Variants in ENOX1 observed in about 807,000 individuals in gnomAD.
ENOX1 encodes ecto-NOX disulfide-thiol exchanger 1.
In ENOX1, 42 loss-of-function variants were observed where a neutral mutation model predicts 82.5. The observed-to-expected ratio is 0.51, with a 90% confidence interval of 0.40 to 0.66. ENOX1 has a LOEUF of 0.66. ENOX1 is among the 30% of genes least tolerant of loss of function. The pLI, the probability that ENOX1 is intolerant of heterozygous loss-of-function variation, is 0.00. For missense variants in ENOX1, 608 were observed against 811.6 expected, an observed-to-expected ratio of 0.75 and a Z score of 3.05; for synonymous variants, 271 against 282.2, an observed-to-expected ratio of 0.96 and a Z score of 0.40.
intron 2 of ENOX1, among the ~76,000 whole-genome samples, chr13:43,615,326 C>T (rs1008642108): frequency 1.3e-5 from 2 of 152,046 alleles, no homozygotes; most frequent in Non-Finnish European, 2.9e-5. Flanking sequence ...TGAGCAATAA[C>T]GCCCCCCAAA....
intron 7 of ENOX1, among the ~76,000 whole-genome samples, chr13:43,356,784 CAGG>C (rs2050185717): frequency 6.6e-6 from 1 of 152,176 alleles, no homozygotes; most frequent in South Asian, 2.1e-4. Flanking sequence ...CTGGGGTGCG[CAGG>C]AGAATATTTT....
intron 3 of ENOX1, among the ~76,000 whole-genome samples, chr13:43,433,526 T>C (rs1437272471): frequency 2.6e-5 from 4 of 152,206 alleles, no homozygotes; most frequent in African/African-American, 9.7e-5. Flanking sequence ...GTGAATCTAA[T>C]AGTGCTCTAA....
intron 1 of ENOX1, among the ~76,000 whole-genome samples, chr13:43,746,947 C>T (rs1950052654): frequency 6.6e-6 from 1 of 152,172 alleles, no homozygotes. Context: ...TTGAAAATCA[C>T]CATTGTTCAT....
intron 3 of ENOX1, among the ~76,000 whole-genome samples, chr13:43,429,919 C>T (rs528892972): frequency 3.3e-5 from 5 of 152,186 alleles, no homozygotes; most frequent in African/African-American, 4.8e-5. Context: ...ATATGAAATC[C>T]AGAAAGGTAT....
At chr13:43,782,071 T>C in intron 1 of ENOX1, among the ~76,000 whole-genome samples, 1 of 152,194 alleles carries the variant, frequency 6.6e-6, no homozygotes, top group Non-Finnish European at 1.5e-5. Flanking sequence ...CTCTTTAGTG[T>C]ATGAAAGAAA....
chr13:43,311,764 G>A (rs771815609), intron 11 of ENOX1, among the ~76,000 whole-genome samples: 2 of 152,188 alleles, frequency 1.3e-5, no homozygotes, highest in Admixed American at 6.5e-5. Flanking sequence ...AGAAGACAAA[G>A]GATATGGTCC....
intron 2 of ENOX1, among the ~76,000 whole-genome samples, chr13:43,491,217 T>A (rs1042818501): frequency 6.6e-6 from 1 of 152,120 alleles, no homozygotes; most frequent in Non-Finnish European, 1.5e-5. Context: ...AGATCTTGCA[T>A]GGACTTAGTG....
At chr13:43,440,970 G>A (rs1402422089) in intron 3 of ENOX1, among the ~76,000 whole-genome samples, 3 of 152,102 alleles carry the variant, frequency 2.0e-5, no homozygotes, top group Admixed American at 6.5e-5. Flanking sequence ...TGGTATTCTT[G>A]CCAAAATTTT....
intron 3 of ENOX1, among the ~76,000 whole-genome samples, chr13:43,445,903 G>A (rs556581959): frequency 6.6e-6 from 1 of 152,268 alleles, no homozygotes; most frequent in South Asian, 2.1e-4. Context: ...AAACCTGGGA[G>A]TTCTGCAGGG....
chr13:43,329,907 A>C (rs1233646892), intron 9 of ENOX1, among the ~76,000 whole-genome samples: 1 of 152,090 alleles, frequency 6.6e-6, no homozygotes, highest in African/African-American at 2.4e-5. Context: ...ACGAAAAAGG[A>C]CTCTGGAGGA....
intron 2 of ENOX1, among the ~76,000 whole-genome samples, chr13:43,600,688 T>A (rs920409055): frequency 3.9e-5 from 6 of 152,134 alleles, no homozygotes; most frequent in Non-Finnish European, 4.4e-5. Context: ...ACAAGTGGTA[T>A]CCAGGCACTG....
chr13:43,440,304 AG>A (rs1202429095), intron 3 of ENOX1, among the ~76,000 whole-genome samples: 1 of 152,190 alleles, frequency 6.6e-6, no homozygotes, highest in Non-Finnish European at 1.5e-5. Flanking sequence ...AGAAACTTAG[AG>A]GGTCTTTTAG....
intron 1 of ENOX1, among the ~76,000 whole-genome samples, chr13:43,675,131 C>T (rs1025353104): frequency 1.3e-5 from 2 of 152,158 alleles, no homozygotes; most frequent in East Asian, 3.9e-4. Flanking sequence ...TGAAAGGTCA[C>T]TCTGGCTGCT....
chr13:43,646,154 T>G (rs1263982290), intron 2 of ENOX1, among the ~76,000 whole-genome samples: 1 of 152,194 alleles, frequency 6.6e-6, no homozygotes, highest in Admixed American at 6.5e-5. Flanking sequence ...CCCCTCAAGC[T>G]CTACAAGATG....
At chr13:43,274,406 G>A (rs1385712449) in intron 12 of ENOX1, among the ~76,000 whole-genome samples, 1 of 152,134 alleles carries the variant, frequency 6.6e-6, no homozygotes, top group Admixed American at 6.5e-5. Context: ...TCAAAACAAT[G>A]GTGATTCAAA....
intron 1 of ENOX1, among the ~76,000 whole-genome samples, chr13:43,754,035 T>TATATAAATACACATATATACATATATAC (rs1566880724): frequency 1.4e-3 from 179 of 126,006 alleles, no homozygotes; most frequent in African/African-American, 4.8e-3. Flanking sequence ...TACATATATA[T>TATATAAATACACATATATACATATATAC]GTATATAAAT....
chr13:43,352,406 C>T (rs1243488405), intron 8 of ENOX1, among the ~76,000 whole-genome samples: 1 of 152,252 alleles, frequency 6.6e-6, no homozygotes, highest in African/African-American at 2.4e-5. Flanking sequence ...AATCCTTCCT[C>T]ACTGTCTAAT....
At chr13:43,511,825 T>C (rs2077379670) in intron 2 of ENOX1, among the ~76,000 whole-genome samples, 1 of 152,132 alleles carries the variant, frequency 6.6e-6, no homozygotes, top group African/African-American at 2.4e-5. Flanking sequence ...TCCAGGTTCA[T>C]TCTAGGGAAT....
At chr13:43,250,789 G>C (rs2043410462) in intron 14 of ENOX1, among the ~76,000 whole-genome samples, 1 of 152,220 alleles carries the variant, frequency 6.6e-6, no homozygotes, top group Admixed American at 6.5e-5. Flanking sequence ...AGGGCAGCCA[G>C]CTATGTAAAA....
Sources: gnomAD v4.1 joint callset for allele counts (sites outside exome capture counted in the v4.1 genomes callset) on GRCh38, gnomAD v4.1.1 for gene constraint, MANE v1.5 for transcripts, NCBI Gene and HGNC (gene_info 2026-07-23, HGNC 2026-07-21) for gene names.